DGKB: variants seen among roughly 807,000 people sequenced by gnomAD.
The protein encoded by DGKB is diacylglycerol kinase beta.
A neutral mutation model predicts 114.3 loss-of-function variants in DGKB; 67 were observed. That is an observed-to-expected ratio of 0.59 (90% CI 0.48 to 0.72). DGKB has a LOEUF of 0.72. Among genes scored for constraint, DGKB ranks in the 30% least tolerant of loss-of-function variants. DGKB has a pLI of 0.00. For missense variants in DGKB, 907 were observed against 975.2 expected (o/e 0.93, Z 0.93); for synonymous variants, 398 against 323.1 (o/e 1.23, Z -2.49).
At chr7:14,189,206 G>C (rs1011887230) in intron 23 of DGKB, among the ~76,000 whole-genome samples, 1 of 152,070 alleles carries the variant, frequency 6.6e-6, no homozygotes, top group Non-Finnish European at 1.5e-5. Flanking sequence ...TCAAAACCAA[G>C]AATTACAATT....
At chr7:14,332,021 C>G (rs1228723635) in intron 23 of DGKB, among the ~76,000 whole-genome samples, 1 of 152,012 alleles carries the variant, frequency 6.6e-6, no homozygotes, top group Non-Finnish European at 1.5e-5. Flanking sequence ...AAATTTTATC[C>G]AAGATGATGA....
chr7:14,581,004 G>A lies in DGKB; in HGVS notation c.1520-53C>T, dbSNP rs1315874385. On this transcript the variant is annotated intron_variant, in intron 18 of 25. Transcript: ENST00000402815. ...AGAAAATTTTAAGTTCAGATAAAAC[G>A]ACGGAAATAAAAAGATAGCCTGATG... The A allele has an allele frequency of 6.1e-6, 8 of 1,315,276 alleles. No individual in the cohort carries two copies. The East Asian group carries it at 7.3e-5, about 12-fold the overall frequency. The allele number at this position is 1,315,276 out of a possible 1,614,324, so 81.5% of individuals were successfully genotyped here.
intron 2 of DGKB, among the ~76,000 whole-genome samples, chr7:14,829,124 A>C (rs1168779214): frequency 6.6e-6 from 1 of 152,092 alleles, no homozygotes; most frequent in African/African-American, 2.4e-5. Flanking sequence ...GAGAATTTCC[A>C]ATCTTTACCT....
intron 20 of DGKB, among the ~76,000 whole-genome samples, chr7:14,501,114 G>C (rs1013528668): frequency 1.3e-5 from 2 of 151,792 alleles, no homozygotes; most frequent in Non-Finnish European, 2.9e-5. Context: ...TGGCTTCAGG[G>C]AAAAAATCAA....
At chr7:14,628,827 G>C (rs1365511092) in intron 14 of DGKB, among the ~76,000 whole-genome samples, 1 of 152,006 alleles carries the variant, frequency 6.6e-6, no homozygotes, top group Non-Finnish European at 1.5e-5. Flanking sequence ...TAATGACTTT[G>C]AGGGATACTG....
At chr7:14,175,309 T>A (rs542290689) in intron 25 of DGKB, among the ~76,000 whole-genome samples, 4 of 152,206 alleles carry the variant, frequency 2.6e-5, no homozygotes, top group Non-Finnish European at 5.9e-5. Flanking sequence ...GCACAATGCT[T>A]GTGCAAGATT....
intron 4 of DGKB, 148 bp downstream of exon 4, chr7:14,753,780 T>A: frequency 1.7e-6 from 1 of 596,342 alleles, no homozygotes; most frequent in Non-Finnish European, 2.9e-6. Context: ...AGCTTAGTTA[T>A]AACCTATGAG....
intron 21 of DGKB, among the ~76,000 whole-genome samples, chr7:14,389,019 C>T (rs557761146): frequency 6.6e-6 from 1 of 152,296 alleles, no homozygotes; most frequent in East Asian, 1.9e-4. Flanking sequence ...CCTCCTCAGA[C>T]CTTGCCAGCT....
intron 1 of DGKB, among the ~76,000 whole-genome samples, chr7:14,939,676 G>C (rs1197698591): frequency 7.3e-6 from 1 of 136,640 alleles, no homozygotes; most frequent in East Asian, 2.2e-4. Flanking sequence ...GCCCAGGCTG[G>C]AGTGCAATGG....
intron 21 of DGKB, among the ~76,000 whole-genome samples, chr7:14,459,090 G>T (rs1832716427): frequency 6.6e-6 from 1 of 152,158 alleles, no homozygotes; most frequent in African/African-American, 2.4e-5. Flanking sequence ...CCACTGGGAA[G>T]TTCAAACTGG....
chr7:14,309,108 T>C (rs1000360765), intron 23 of DGKB, among the ~76,000 whole-genome samples: 3 of 152,036 alleles, frequency 2.0e-5, no homozygotes, highest in African/African-American at 7.2e-5. Flanking sequence ...CCCAGCTACT[T>C]GAGAGGCTGA....
chr7:14,588,922 A>G (rs1301411666), intron 17 of DGKB, among the ~76,000 whole-genome samples: 4 of 152,108 alleles, frequency 2.6e-5, no homozygotes, highest in Admixed American at 6.6e-5. Flanking sequence ...AATAATAGTA[A>G]GAAAAACCAA....
intron 6 of DGKB, among the ~76,000 whole-genome samples, chr7:14,710,434 A>T (rs1827168662): frequency 6.6e-6 from 1 of 152,128 alleles, no homozygotes; most frequent in African/African-American, 2.4e-5. Flanking sequence ...GGTAGTCTAT[A>T]ATAAACAATG....
chr7:14,617,767 A>T (rs903284237), intron 15 of DGKB, among the ~76,000 whole-genome samples: 1 of 151,618 alleles, frequency 6.6e-6, no homozygotes, highest in Non-Finnish European at 1.5e-5. Flanking sequence ...CTAGGCATAT[A>T]CTTACCTTAG....
At chr7:14,493,082 A>T (rs1784816510) in intron 20 of DGKB, among the ~76,000 whole-genome samples, 1 of 152,056 alleles carries the variant, frequency 6.6e-6, no homozygotes, top group Admixed American at 6.6e-5. Context: ...TTCCAGCAAA[A>T]TGGTTCTCTA....
chr7:14,757,717 A>G lies in DGKB; in HGVS notation c.85T>C (p.Leu29=). 1 of 1,600,736 alleles carries G rather than the reference A, an allele frequency of 6.2e-7. No homozygotes were observed. Among genetic ancestry groups the G allele is most frequent in the Non-Finnish European group, 8.6e-7 (1 of 1,169,374 alleles). ...TGGAATTCTTCAAGAACATCCTTTA[A>G]TTTCTTTGTAGAATCTATAAAAAAC... ...QKYAEYSTKK[L]KDVLEEFHGN... Residue 29 remains leucine (L), a synonymous_variant, in exon 3 of 26, where the codon TTA becomes CTA. Coordinates refer to ENST00000402815, the MANE Select transcript of DGKB (RefSeq NM_001350709.2).
intron 1 of DGKB, among the ~76,000 whole-genome samples, chr7:14,872,698 A>G (rs2128199412): frequency 6.6e-6 from 1 of 152,058 alleles, no homozygotes; most frequent in South Asian, 2.1e-4. Flanking sequence ...TGCGGCCTCA[A>G]GGTTTCTTTA....
intron 15 of DGKB, among the ~76,000 whole-genome samples, chr7:14,613,704 TA>T (rs546989333): frequency 0.019 from 2,721 of 144,048 alleles, 81 homozygotes; most frequent in African/African-American, 0.057. Context: ...TCCTGTAAGA[TA>T]AAAAAAAAAA....
At chr7:14,841,936 A>T (rs1354333935) in intron 1 of DGKB, among the ~76,000 whole-genome samples, 2 of 152,216 alleles carry the variant, frequency 1.3e-5, no homozygotes, top group African/African-American at 2.4e-5. Context: ...AATTCAAAAG[A>T]TTGGCCAAAT....
Sources: allele counts gnomAD v4.1 joint callset (sites outside exome capture counted in the v4.1 genomes callset), GRCh38; gene constraint gnomAD v4.1.1; transcripts MANE v1.5; gene names NCBI Gene and HGNC (gene_info 2026-07-23, HGNC 2026-07-21).